CTSO: variants seen among roughly 807,000 people sequenced by gnomAD.
The protein encoded by CTSO is cathepsin O.
CTSO carries 40 observed loss-of-function variants against 42.4 expected under a neutral mutation model. The observed-to-expected ratio is 0.94, with a 90% confidence interval of 0.73 to 1.23. CTSO has a LOEUF of 1.23. CTSO is among the 50% of genes most tolerant of loss of function. The pLI, the probability that CTSO is intolerant of heterozygous loss-of-function variation, is 0.00. For missense variants in CTSO, 441 were observed against 396.0 expected, an observed-to-expected ratio of 1.11 and a Z score of -0.96; for synonymous variants, 156 against 146.2, an observed-to-expected ratio of 1.07 and a Z score of -0.48.
Position 155,939,686 on chromosome 4 carries a change from CT to C in CTSO, c.385-149del, listed in dbSNP as rs1743394858. 4.9e-6 allele frequency: 3 copies of C among 611,488 alleles called. No homozygotes were observed. In the East Asian group the frequency reaches 8.6e-5, roughly 18 times the overall value. The allele number at this position is 611,488 out of a possible 1,614,324, so 37.9% of individuals were successfully genotyped here. ...TACGCCTATCCTCTAGATTTTTAAA[CT>C]GAAAAAAAGAGAAAACCAAAAGTCT... On this transcript the variant is annotated intron_variant, in intron 3 of 7. Transcript: ENST00000433477.
chr4:155,931,471 A>G (rs1441371140), intron 5 of CTSO, among the ~76,000 whole-genome samples: 1 of 152,162 alleles, frequency 6.6e-6, no homozygotes, highest in Admixed American at 6.5e-5. Context: ...CCAGAGCTGA[A>G]AAAAGATATC....
chr4:155,941,391 A>T (rs1743427060), intron 3 of CTSO, among the ~76,000 whole-genome samples: 1 of 152,190 alleles, frequency 6.6e-6, no homozygotes, highest in Non-Finnish European at 1.5e-5. Flanking sequence ...ATTATAGGTC[A>T]TACCCACCCA....
intron 4 of CTSO, 132 bp downstream of exon 4, chr4:155,939,239 T>C (rs7684248): frequency 0.39 from 275,472 of 705,134 alleles, 57,317 homozygotes; most frequent in East Asian, 0.67. Flanking sequence ...AATTACTTCA[T>C]GCTTTGATCA....
chr4:155,937,845 G>A (rs1474861413), intron 4 of CTSO, among the ~76,000 whole-genome samples: 1 of 152,050 alleles, frequency 6.6e-6, no homozygotes, highest in Non-Finnish European at 1.5e-5. Flanking sequence ...TAAACTCCTG[G>A]ACTCAAGAAA....
chr4:155,929,156 C>A lies in CTSO; in HGVS notation c.838+386G>T, dbSNP rs538752476. On this transcript the variant is annotated intron_variant, in intron 6 of 7. Coordinates refer to ENST00000433477, the MANE Select transcript of CTSO (RefSeq NM_001334.3). ...TCAGACCTATCCCTTTATTTCGGCC[C>A]ATCCCTTTATTTCCCATAAGGAATA... is the stretch of plus-strand genomic sequence containing the variant. 3.3e-5 allele frequency among the ~76,000 whole-genome samples: 5 copies of A among 152,310 alleles called. No homozygotes were observed. In the East Asian group the frequency reaches 9.6e-4, roughly 29 times the overall value.
rs768768045 is a variant in CTSO at position 155,939,370 on chromosome 4, C to T, written c.552+1G>A. On this transcript the variant is annotated splice_donor_variant, in intron 4 of 7. Coordinates refer to ENST00000433477, the MANE Select transcript of CTSO (RefSeq NM_001334.3). LOFTEE classifies it high-confidence loss of function. ...GTTTAAGAGGTTGAGAGACTAGTCA[C>T]CTTGTTTAACCAGTTCAAAGCATTG... The T allele has an allele frequency of 3.8e-6, 6 of 1,596,112 alleles. No homozygotes were observed. In the East Asian group the frequency reaches 9.0e-5, roughly 24 times the overall value.
In CTSO at chr4:155,925,886, T is replaced by G. The variant is rs2060361454; in HGVS notation, c.*150A>C. On this transcript the variant is annotated 3_prime_UTR_variant, in exon 8 of 8. Transcript: ENST00000433477. ...TCCATCTCTCTACAAGAAGGGAACA[T>G]TCTGAAACTTAGTTTAAATACTACT... 1 of 696,280 alleles carries G rather than the reference T, an allele frequency of 1.4e-6. No individual in the cohort carries two copies. The highest frequency in any genetic ancestry group is 1.9e-5 in the African/African-American group (1 of 53,662). 43.1% of individuals were successfully genotyped at this position (696,280 alleles called of 1,614,324 possible).
At chr4:155,951,325 G>A (rs899332779) in intron 1 of CTSO, among the ~76,000 whole-genome samples, 3 of 152,034 alleles carry the variant, frequency 2.0e-5, no homozygotes, top group African/African-American at 7.3e-5. Context: ...TAAATATGAG[G>A]GCATAGCTAG....
At chr4:155,941,803 T>G (rs1743434237) in intron 3 of CTSO, among the ~76,000 whole-genome samples, 1 of 152,222 alleles carries the variant, frequency 6.6e-6, no homozygotes, top group African/African-American at 2.4e-5. Flanking sequence ...TATATGATCC[T>G]GTGAAGACGG....
intron 4 of CTSO, 106 bp from the exon 5 acceptor site, chr4:155,937,589 A>G: frequency 9.9e-7 from 1 of 1,010,832 alleles, no homozygotes; most frequent in East Asian, 2.4e-5. Context: ...CACCTTCATC[A>G]TGTGGATATA....
At chr4:155,944,297 T>C (rs1219290835) in intron 1 of CTSO, among the ~76,000 whole-genome samples, 1 of 152,226 alleles carries the variant, frequency 6.6e-6, no homozygotes, top group Non-Finnish European at 1.5e-5. Flanking sequence ...TTTCCTTTTG[T>C]GCATACCTAG....
chr4:155,941,094 T>C (rs1217568319), intron 3 of CTSO, among the ~76,000 whole-genome samples: 1 of 152,222 alleles, frequency 6.6e-6, no homozygotes. Flanking sequence ...TAAAACTTAA[T>C]GTACAAAAAT....
intron 5 of CTSO, among the ~76,000 whole-genome samples, chr4:155,933,329 C>T (rs533459332): frequency 6.6e-6 from 1 of 152,220 alleles, no homozygotes; most frequent in East Asian, 1.9e-4. Flanking sequence ...CTTTCTCCTC[C>T]CGCCATGATT....
At chr4:155,932,982 T>C (rs1301470316) in intron 5 of CTSO, among the ~76,000 whole-genome samples, 2 of 152,186 alleles carry the variant, frequency 1.3e-5, no homozygotes, top group Admixed American at 1.3e-4. Flanking sequence ...TAAAAAACTG[T>C]GTAGGGCTTT....
chr4:155,937,610 T>C (rs1579343150), intron 4 of CTSO, 127 bp from the exon 5 acceptor site: 3 of 749,098 alleles, frequency 4.0e-6, no homozygotes, highest in Non-Finnish European at 6.2e-6. Flanking sequence ...CTTTGCGTTC[T>C]TTTTTTTTTC....
intron 1 of CTSO, among the ~76,000 whole-genome samples, chr4:155,950,223 G>A (rs1402633145): frequency 6.6e-6 from 1 of 152,194 alleles, no homozygotes; most frequent in Non-Finnish European, 1.5e-5. Context: ...TTTCTCCAGT[G>A]TATAAGTCTT....
intron 3 of CTSO, among the ~76,000 whole-genome samples, chr4:155,940,763 A>C (rs190666061): frequency 3.3e-5 from 5 of 152,176 alleles, no homozygotes; most frequent in African/African-American, 1.2e-4. Flanking sequence ...GAATCTCTTG[A>C]ACCTGGGAGG....
chr4:155,929,261 C>T (rs147737815), intron 6 of CTSO, among the ~76,000 whole-genome samples: 3,116 of 152,278 alleles, frequency 0.02, 43 homozygotes, highest in Middle Eastern at 0.034. Flanking sequence ...AAGCTCTGTT[C>T]GGGGCTCTCA....
chr4:155,940,868 A>G (rs971245007), intron 3 of CTSO, among the ~76,000 whole-genome samples: 1 of 151,704 alleles, frequency 6.6e-6, no homozygotes, highest in African/African-American at 2.4e-5. Flanking sequence ...AAAAGGTAAC[A>G]GGCTGCTGAC....
Sources: allele counts gnomAD v4.1 joint callset (sites outside exome capture counted in the v4.1 genomes callset), GRCh38; gene constraint gnomAD v4.1.1; transcripts MANE v1.5; gene names NCBI Gene and HGNC (gene_info 2026-07-23, HGNC 2026-07-21).